PDE10A: variants seen among roughly 807,000 people sequenced by gnomAD.
PDE10A encodes phosphodiesterase 10A, also known as cAMP and cAMP-inhibited cGMP 3',5'-cyclic phosphodiesterase 10A.
A neutral mutation model predicts 97.7 loss-of-function variants in PDE10A; 39 were observed. The observed-to-expected ratio is 0.40, with a 90% CI of 0.31 to 0.52. PDE10A has a LOEUF of 0.52. Ranked by LOEUF, PDE10A falls within the 20% of genes least tolerant of loss-of-function variation. PDE10A has a pLI of 0.56. For missense variants in PDE10A, 731 were observed against 1,047.8 expected (o/e 0.70, Z 4.17); for synonymous variants, 371 against 376.8 (o/e 0.98, Z 0.18).
chr6:165,435,400 T>A, intron 5 of PDE10A, 23 bp from the exon 6 acceptor site: 1 of 1,608,116 alleles, frequency 6.2e-7, no homozygotes. Flanking sequence ...AAAGATGTTT[T>A]ACAGACTTTC....
chr6:165,394,690 T>C (rs565821814), intron 15 of PDE10A, among the ~76,000 whole-genome samples: 2 of 152,342 alleles, frequency 1.3e-5, no homozygotes, highest in East Asian at 1.9e-4. Context: ...ACCAACAGTG[T>C]AAAAGCATTC....
At chr6:165,419,805 C>A (rs1247727595) in intron 10 of PDE10A, among the ~76,000 whole-genome samples, 1 of 152,176 alleles carries the variant, frequency 6.6e-6, no homozygotes, top group Non-Finnish European at 1.5e-5. Context: ...TACAGTAAAA[C>A]AGCCATCACA....
At chr6:165,767,919 CAT>C (rs764853432) in intron 1 of PDE10A, among the ~76,000 whole-genome samples, 35 of 152,296 alleles carry the variant, frequency 2.3e-4, no homozygotes, top group African/African-American at 6.5e-4. Flanking sequence ...AATTTCTCCA[CAT>C]GTTTGCCAGC....
At chr6:165,413,108 C>T (rs1479026486) in intron 13 of PDE10A, among the ~76,000 whole-genome samples, 1 of 151,418 alleles carries the variant, frequency 6.6e-6, no homozygotes, top group Non-Finnish European at 1.5e-5. Flanking sequence ...GGTGGGTGTC[C>T]AAACATGAGC....
At chr6:165,817,970 C>T (rs1023364856) in intron 1 of PDE10A, among the ~76,000 whole-genome samples, 1 of 152,210 alleles carries the variant, frequency 6.6e-6, no homozygotes, top group African/African-American at 2.4e-5. Flanking sequence ...CCTGTTGATC[C>T]GTTGCAAGGC....
At chr6:165,650,686 T>C (rs1789639673) in intron 1 of PDE10A, among the ~76,000 whole-genome samples, 1 of 152,192 alleles carries the variant, frequency 6.6e-6, no homozygotes, top group Admixed American at 6.5e-5. Flanking sequence ...TCTTGTTAAG[T>C]CACTTTGCCT....
At chr6:165,658,171 T>C (rs1159291143) in intron 1 of PDE10A, among the ~76,000 whole-genome samples, 1 of 152,226 alleles carries the variant, frequency 6.6e-6, no homozygotes, top group East Asian at 1.9e-4. Context: ...TAAACACATT[T>C]GCTCTTAAAA....
intron 5 of PDE10A, among the ~76,000 whole-genome samples, chr6:165,442,096 T>C (rs1790510514): frequency 6.6e-6 from 1 of 152,206 alleles, no homozygotes; most frequent in Non-Finnish European, 1.5e-5. Context: ...CTCACACTGC[T>C]AGAAAGAACT....
Position 165,617,372 on chromosome 6 carries a change from T to A in PDE10A, c.865+44575A>T, listed in dbSNP as rs899524013. 5.3e-4 allele frequency among the ~76,000 whole-genome samples: 80 copies of A among 152,048 alleles called. 4 individuals carry two copies. On this transcript the variant is annotated intron_variant, in intron 1 of 21. Transcript: ENST00000539869. ...AAAAAAATAAAAAATTGAGTTGGAGTCTCACTCTGTCACCCAGGCTGGAGT... is the reference window on the plus strand; with the variant it reads ...AAAAAAATAAAAAATTGAGTTGGAGACTCACTCTGTCACCCAGGCTGGAGT...
chr6:165,647,744 A>T (rs920818920), intron 1 of PDE10A, among the ~76,000 whole-genome samples: 2 of 152,172 alleles, frequency 1.3e-5, no homozygotes, highest in African/African-American at 4.8e-5. Flanking sequence ...TCCCGACTGA[A>T]GCCCCTTTGG....
In PDE10A at chr6:165,432,074, T is replaced by C. The variant is rs543326850; in HGVS notation, c.1492-602A>G. On this transcript the variant is annotated intron_variant, in intron 7 of 21. Coordinates refer to ENST00000539869, the MANE Select transcript of PDE10A (RefSeq NM_001385079.1). ...TTCAACAAATATTCATGAGTGTCTA[T>C]TATGTACCAGGCACTATTCTAGGTG... Among the ~76,000 whole-genome samples the C allele has an allele frequency of 2.0e-5, 3 of 152,352 alleles. No homozygotes were observed. The South Asian group carries it at 6.2e-4, about 32-fold the overall frequency.
intron 1 of PDE10A, among the ~76,000 whole-genome samples, chr6:165,832,421 TA>T (rs34875193): frequency 4.7e-4 from 71 of 150,016 alleles, no homozygotes; most frequent in African/African-American, 1.3e-3. Flanking sequence ...AATCCTGATT[TA>T]AAAAAAAAAA....
At chr6:165,350,336 G>A (rs1233064442) in intron 18 of PDE10A, among the ~76,000 whole-genome samples, 1 of 152,178 alleles carries the variant, frequency 6.6e-6, no homozygotes, top group Admixed American at 6.5e-5. Context: ...TGTCCTACTG[G>A]ATTTTGGATT....
At chr6:165,963,663 A>C (rs1465630721) in intron 1 of PDE10A, among the ~76,000 whole-genome samples, 1 of 152,222 alleles carries the variant, frequency 6.6e-6, no homozygotes, top group Non-Finnish European at 1.5e-5. Context: ...TGACCGGAGG[A>C]AGGCAGCAGC....
At chr6:165,509,353 G>A (rs77313212) in intron 2 of PDE10A, among the ~76,000 whole-genome samples, 109 of 151,938 alleles carry the variant, frequency 7.2e-4, no homozygotes, top group African/African-American at 2.3e-3. Context: ...TTTCCCCAAC[G>A]TATGTTCTTG....
At chr6:165,362,715 A>G (rs369307759) in intron 18 of PDE10A, among the ~76,000 whole-genome samples, 4 of 152,360 alleles carry the variant, frequency 2.6e-5, no homozygotes, top group East Asian at 3.9e-4. Flanking sequence ...AGCTAATTCC[A>G]TGAGGCCAGT....
intron 18 of PDE10A, among the ~76,000 whole-genome samples, chr6:165,344,175 A>T (rs1782155126): frequency 6.6e-6 from 1 of 152,150 alleles, no homozygotes; most frequent in Admixed American, 6.5e-5. Context: ...TTATTTTCTA[A>T]ATATGGCTTG....
intron 1 of PDE10A, among the ~76,000 whole-genome samples, chr6:165,860,603 C>T (rs560624021): frequency 2.8e-4 from 43 of 152,362 alleles, no homozygotes; most frequent in African/African-American, 9.6e-4. Flanking sequence ...TTTCACTTCT[C>T]GTTGCCTGTT....
chr6:165,680,539 A>G (rs903558266), intron 1 of PDE10A, among the ~76,000 whole-genome samples: 2 of 152,246 alleles, frequency 1.3e-5, no homozygotes, highest in African/African-American at 2.4e-5. Context: ...ATTTTTAAGT[A>G]AAGATAGAGG....
Sources: allele counts gnomAD v4.1 joint callset (sites outside exome capture counted in the v4.1 genomes callset), GRCh38; gene constraint gnomAD v4.1.1; transcripts MANE v1.5; gene names NCBI Gene and HGNC (gene_info 2026-07-23, HGNC 2026-07-21).